Variants in HS6ST3 observed in about 807,000 individuals in gnomAD.
HS6ST3 encodes heparan sulfate 6-O-sulfotransferase 3, also known as heparan-sulfate 6-O-sulfotransferase 3.
HS6ST3 carries 12 observed loss-of-function variants against 36.7 expected under a neutral mutation model. The observed-to-expected ratio is 0.33, with a 90% CI of 0.21 to 0.53. HS6ST3 has a LOEUF of 0.53. HS6ST3 is among the 20% of genes least tolerant of loss of function. The pLI, the probability that HS6ST3 is intolerant of heterozygous loss-of-function variation, is 0.95. For missense variants in HS6ST3, 584 were observed against 640.9 expected (o/e 0.91, Z 0.96); for synonymous variants, 240 against 257.5 (o/e 0.93, Z 0.65).
chr13:96,313,925 A>G (rs535635102), intron 1 of HS6ST3, among the ~76,000 whole-genome samples: 10 of 152,298 alleles, frequency 6.6e-5, no homozygotes, highest in African/African-American at 2.4e-4. Flanking sequence ...CCAAGGCCGT[A>G]AGTGGTAGTT....
intron 1 of HS6ST3, among the ~76,000 whole-genome samples, chr13:96,524,141 C>T (rs1464719896): frequency 6.6e-6 from 1 of 152,122 alleles, no homozygotes; most frequent in African/African-American, 2.4e-5. Flanking sequence ...TGGAGTTTGC[C>T]AGAGGTTCAC....
intron 1 of HS6ST3, among the ~76,000 whole-genome samples, chr13:96,326,229 A>G (rs1213464039): frequency 1.3e-5 from 2 of 150,178 alleles, no homozygotes; most frequent in Admixed American, 1.3e-4. Context: ...CACAATGTGC[A>G]GGTTAGTTAC....
At chr13:96,145,832 A>C (rs2054055375) in intron 1 of HS6ST3, among the ~76,000 whole-genome samples, 1 of 152,202 alleles carries the variant, frequency 6.6e-6, no homozygotes, top group Non-Finnish European at 1.5e-5. Context: ...ATTTATGTAT[A>C]AGGTGTAAGG....
chr13:96,416,357 G>A (rs2055532836), intron 1 of HS6ST3, among the ~76,000 whole-genome samples: 1 of 152,124 alleles, frequency 6.6e-6, no homozygotes, highest in Non-Finnish European at 1.5e-5. Flanking sequence ...TTGCAAACTT[G>A]GAATGGGTAA....
intron 1 of HS6ST3, among the ~76,000 whole-genome samples, chr13:96,247,433 C>T (rs955053629): frequency 6.6e-6 from 1 of 152,026 alleles, no homozygotes; most frequent in Non-Finnish European, 1.5e-5. Context: ...TGAATGAGTT[C>T]TCATGAGATC....
chr13:96,574,124 T>C (rs2056312147), intron 1 of HS6ST3: 1 of 538,076 alleles, frequency 1.9e-6, no homozygotes, highest in African/African-American at 1.9e-5. Context: ...TCTCAGGGAA[T>C]ACGTTAGCCA....
At chr13:96,618,460 A>G (rs1246308337) in intron 1 of HS6ST3, among the ~76,000 whole-genome samples, 1 of 152,192 alleles carries the variant, frequency 6.6e-6, no homozygotes, top group Non-Finnish European at 1.5e-5. Context: ...ATAAGGAATG[A>G]TATATGAAAA....
chr13:96,118,448 G>C (rs2139304182), intron 1 of HS6ST3, among the ~76,000 whole-genome samples: 1 of 151,896 alleles, frequency 6.6e-6, no homozygotes, highest in South Asian at 2.1e-4. Flanking sequence ...TGTTGCTTAA[G>C]CTACCAAGTT....
chr13:96,112,762 G>C (rs1453115927), intron 1 of HS6ST3, among the ~76,000 whole-genome samples: 2 of 51,738 alleles, frequency 3.9e-5, no homozygotes, highest in Non-Finnish European at 4.1e-5. Context: ...ACAAGACTCT[G>C]TTTCAACAAA....
At chr13:96,331,588 G>A (rs1222107103) in intron 1 of HS6ST3, among the ~76,000 whole-genome samples, 1 of 152,044 alleles carries the variant, frequency 6.6e-6, no homozygotes, top group African/African-American at 2.4e-5. Context: ...CTTCAAAGCT[G>A]TCAGACAGGG....
chr13:96,732,435 T>C (rs1324014044), intron 1 of HS6ST3, among the ~76,000 whole-genome samples: 1 of 152,192 alleles, frequency 6.6e-6, no homozygotes, highest in Non-Finnish European at 1.5e-5. Context: ...GTCTGTTTTT[T>C]CCCCGTTGTG....
intron 1 of HS6ST3, among the ~76,000 whole-genome samples, chr13:96,716,558 A>G (rs1365652250): frequency 6.6e-6 from 1 of 152,112 alleles, no homozygotes; most frequent in Non-Finnish European, 1.5e-5. Context: ...TCACTGCAAT[A>G]TTTGTCTATC....
chr13:96,513,854 G>T (rs2056060696), intron 1 of HS6ST3, among the ~76,000 whole-genome samples: 1 of 151,926 alleles, frequency 6.6e-6, no homozygotes, highest in South Asian at 2.1e-4. Context: ...ATATTGTTGA[G>T]ATGCAATGAG....
chr13:96,390,434 G>T (rs1370358514), intron 1 of HS6ST3, among the ~76,000 whole-genome samples: 3 of 152,118 alleles, frequency 2.0e-5, no homozygotes, highest in Non-Finnish European at 2.9e-5. Context: ...GTGAGGATAC[G>T]GTGAGAAGAG....
At chr13:96,594,763 C>A (rs894926085) in intron 1 of HS6ST3, among the ~76,000 whole-genome samples, 12 of 151,978 alleles carry the variant, frequency 7.9e-5, no homozygotes, top group Non-Finnish European at 1.8e-4. Context: ...ATTTACACAC[C>A]ACCATTATAA....
intron 1 of HS6ST3, among the ~76,000 whole-genome samples, chr13:96,831,954 C>CAAAAAAAAAAAAAAA (rs35266831): frequency 0.011 from 232 of 21,848 alleles, 32 homozygotes; most frequent in African/African-American, 0.013. Flanking sequence ...GACTCCCTCT[C>CAAAAAAAAAAAAAAA]AAAAAAAAAA....
chr13:96,796,599 G>C (rs1877918448), intron 1 of HS6ST3, among the ~76,000 whole-genome samples: 1 of 152,052 alleles, frequency 6.6e-6, no homozygotes, highest in Non-Finnish European at 1.5e-5. Flanking sequence ...AATTTTAGAT[G>C]CTTTATAATT....
intron 1 of HS6ST3, among the ~76,000 whole-genome samples, chr13:96,213,265 T>G (rs1368480052): frequency 6.6e-6 from 1 of 152,254 alleles, no homozygotes; most frequent in Non-Finnish European, 1.5e-5. Context: ...ATAAAGGAAA[T>G]GATCCAGTGT....
intron 1 of HS6ST3, among the ~76,000 whole-genome samples, chr13:96,581,757 T>C (rs1263391575): frequency 1.3e-5 from 2 of 152,044 alleles, no homozygotes; most frequent in Admixed American, 1.3e-4. Context: ...AAAGAGGAAA[T>C]ATGGATTCAT....
Sources: allele counts gnomAD v4.1 joint callset (sites outside exome capture counted in the v4.1 genomes callset), GRCh38; gene constraint gnomAD v4.1.1; transcripts MANE v1.5; gene names NCBI Gene and HGNC (gene_info 2026-07-23, HGNC 2026-07-21).